The following DYTN variants were observed in gnomAD, a reference collection of about 807,000 sequenced individuals.
DYTN encodes the protein dystrotelin.
DYTN carries 75 observed loss-of-function variants against 69.6 expected under a neutral mutation model. The observed-to-expected ratio is 1.08, with a 90% confidence interval of 0.89 to 1.31. The LOEUF (loss-of-function observed/expected upper bound fraction) is 1.31. DYTN is among the 50% of genes most tolerant of loss of function. The pLI is 0.00. For missense variants in DYTN, 726 were observed against 688.4 expected (o/e 1.05, Z -0.61); for synonymous variants, 252 against 249.1 (o/e 1.01, Z -0.11).
At chr2:206,685,117 G>A (rs1360951244) in intron 9 of DYTN, among the ~76,000 whole-genome samples, 1 of 151,780 alleles carries the variant, frequency 6.6e-6, no homozygotes, top group Non-Finnish European at 1.5e-5. Flanking sequence ...ATGAAAGAAG[G>A]GCAATTAGTG....
chr2:206,663,472 T>C (rs1699536458), intron 10 of DYTN, 77 bp from the exon 11 acceptor site: 1 of 1,426,640 alleles, frequency 7.0e-7, no homozygotes. Flanking sequence ...ATTTCAACAT[T>C]CCAACAGAAC....
intron 11 of DYTN, among the ~76,000 whole-genome samples, chr2:206,657,306 G>A (rs1478694721): frequency 2.6e-5 from 4 of 152,016 alleles, no homozygotes; most frequent in Non-Finnish European, 5.9e-5. Context: ...TGGTAAAGAT[G>A]TGGTCTCACT....
At chr2:206,715,533 C>A (rs1700118436) in intron 1 of DYTN, among the ~76,000 whole-genome samples, 1 of 152,114 alleles carries the variant, frequency 6.6e-6, no homozygotes, top group Non-Finnish European at 1.5e-5. Context: ...TTTCTTTCAG[C>A]TTTGGGAGAA....
rs1489985884 is a variant in DYTN, at chr2:206,700,190, A to T, written c.510T>A (p.Arg170=). The change falls in exon 6 of 12, where the codon CGT becomes CGA. Residue 170 remains arginine (R), a synonymous_variant. Coordinates refer to ENST00000452335, the MANE Select transcript of DYTN (RefSeq NM_001093730.1). ...TGGCACTTTCCACAGGGCACAGAGC[A>T]CGACTCTCTCCCACGAAAGTTGGGA... ...QQIPTFVGES[R]ALCPVESATR... 4 of 1,613,946 alleles carry T rather than the reference A, an allele frequency of 2.5e-6. No individual in the cohort carries two copies. Among genetic ancestry groups the T allele is most frequent in the Admixed American group, 1.7e-5 (1 of 60,014 alleles).
intron 11 of DYTN, among the ~76,000 whole-genome samples, chr2:206,659,164 C>CTT (rs758156864): frequency 4.9e-3 from 264 of 54,252 alleles, no homozygotes; most frequent in African/African-American, 7.8e-3. Flanking sequence ...CTCACAGTCT[C>CTT]TTTTTTTTTT....
chr2:206,710,656 A>C, intron 1 of DYTN, 58 bp from the exon 2 acceptor site: 1 of 1,328,980 alleles, frequency 7.5e-7, no homozygotes, highest in Non-Finnish European at 1.0e-6. Flanking sequence ...TAAATCCCAC[A>C]TCATGGAAGG....
chr2:206,661,247 C>G (rs1281208183), intron 11 of DYTN, among the ~76,000 whole-genome samples: 3 of 152,158 alleles, frequency 2.0e-5, no homozygotes, highest in Non-Finnish European at 2.9e-5. Flanking sequence ...TTCGTTTAAG[C>G]CACTGAATCT....
chr2:206,663,368 A>G lies in DYTN; in HGVS notation c.1168T>C (p.Ser390Pro). 1.2e-6 allele frequency: 2 copies of G among 1,607,686 alleles called. No individual in the cohort carries two copies. The highest frequency in any genetic ancestry group is 1.7e-6 in the Non-Finnish European group (2 of 1,176,622). ...QARLQPPGPS[S>P]SSFQNVGNKV... is the part of the protein sequence containing the mutation. The stretch of plus-strand genomic sequence containing the variant: ...TTCCCCACATTTTGAAAGGAAGAAG[A>G]TGAAGGACCGGGTGGCTGCAACCTT... The change falls in exon 11 of 12, where the codon TCT becomes CCT. Residue 390 changes from serine to proline, a missense_variant. Physicochemically the swap from Ser to Pro is moderately conservative, Grantham distance 74. Transcript: ENST00000452335.
chr2:206,699,719 G>A lies in DYTN; in HGVS notation c.719+8C>T, dbSNP rs761918035. On this transcript the variant is annotated splice_region_variant and intron_variant, in intron 7 of 11. Coordinates refer to ENST00000452335, the MANE Select transcript of DYTN (RefSeq NM_001093730.1). The stretch of plus-strand genomic sequence containing the variant: ...TGATAATCCAAGAAATGCTGCTGAT[G>A]ACTGTACCTGAGTCCCGTGATTGGG... 1 of 1,609,724 alleles carries A rather than the reference G, an allele frequency of 6.2e-7. No homozygotes were observed. Among genetic ancestry groups the A allele is most frequent in the African/African-American group, 1.3e-5 (1 of 74,738 alleles).
In DYTN at chr2:206,694,775, G is replaced by A; in HGVS notation, c.822C>T (p.His274=). ...TGACATTAAATGTTACCTGAATGCA[G>A]TGCTCAATGACAGGATGAGACTTCT... is the stretch of plus-strand genomic sequence containing the variant. ...SHQKSHPVIE[H]CIQMSAMQNT... The change falls in exon 8 of 12, where the codon CAC becomes CAT. Residue 274 remains histidine (H), a synonymous_variant. Coordinates refer to ENST00000452335, the MANE Select transcript of DYTN (RefSeq NM_001093730.1). The A allele has an allele frequency of 3.7e-6, 6 of 1,605,696 alleles. No homozygotes were observed. The East Asian group carries it at 1.1e-4, about 30-fold the overall frequency.
At chr2:206,691,627 A>C (rs1699863891) in intron 9 of DYTN, among the ~76,000 whole-genome samples, 3 of 152,214 alleles carry the variant, frequency 2.0e-5, no homozygotes, top group African/African-American at 7.2e-5. Context: ...TGCAATATTA[A>C]AGATATACAT....
chr2:206,710,697 TTTTGCAGGTGAGGAAA>T, intron 1 of DYTN, 99 bp from the exon 2 acceptor site: 1 of 952,324 alleles, frequency 1.1e-6, no homozygotes, highest in Non-Finnish European at 1.5e-6. Flanking sequence ...GCTTACTTTA[TTTTGCAGGTGAGGAAA>T]TTAAGGTTTA....
intron 11 of DYTN, among the ~76,000 whole-genome samples, chr2:206,655,247 ATTT>A (rs56068317): frequency 5.7e-5 from 8 of 140,828 alleles, no homozygotes; most frequent in Admixed American, 1.4e-4. Flanking sequence ...TGATTGTGTG[ATTT>A]TTTTTTTTTT....
chr2:206,667,729 TG>T (rs1699589200), intron 9 of DYTN, among the ~76,000 whole-genome samples: 5 of 151,800 alleles, frequency 3.3e-5, no homozygotes, highest in African/African-American at 1.2e-4. Context: ...TGTGTGTGTG[TG>T]TTGACATGTC....
intron 11 of DYTN, among the ~76,000 whole-genome samples, chr2:206,655,313 A>T (rs1699435328): frequency 6.7e-6 from 1 of 150,130 alleles, no homozygotes; most frequent in South Asian, 2.1e-4. Context: ...TGATGTGATC[A>T]TAGTTCACTG....
At position 206,665,985 on chromosome 2, in the gene DYTN, G is replaced by A. The variant is rs1339086605; in HGVS notation, c.1025C>T (p.Ala342Val). Reference protein sequence around the residue: ...QLNQYKDKLQAIYTSQEERIC... With the variant: ...QLNQYKDKLQVIYTSQEERIC... ...TCTTTCTTCCTGGGAGGTGTATATA[G>A]CTTGCAACTTGTCTTTGTATTGGTT... Residue 342 changes from alanine to valine, a missense_variant, in exon 10 of 12, where the codon GCT (alanine) becomes GTT (valine). Ala to Val is a moderately conservative substitution (Grantham distance 64). Transcript: ENST00000452335. The A allele has an allele frequency of 1.2e-6, 2 of 1,613,770 alleles. No individual in the cohort carries two copies. Among genetic ancestry groups the A allele is most frequent in the South Asian group, 1.1e-5 (1 of 91,088 alleles).
At chr2:206,707,004 G>A (rs569270510) in intron 3 of DYTN, among the ~76,000 whole-genome samples, 47 of 152,160 alleles carry the variant, frequency 3.1e-4, no homozygotes, top group African/African-American at 1.1e-3. Context: ...ATATGGAAGT[G>A]TAAACGCCCT....
intron 11 of DYTN, among the ~76,000 whole-genome samples, chr2:206,656,619 T>C (rs1443704490): frequency 6.6e-6 from 1 of 152,180 alleles, no homozygotes; most frequent in African/African-American, 2.4e-5. Context: ...TTTGTGCATC[T>C]TTGACAGCTA....
At chr2:206,697,579 A>C (rs1285970675) in intron 7 of DYTN, among the ~76,000 whole-genome samples, 2 of 152,230 alleles carry the variant, frequency 1.3e-5, no homozygotes, top group African/African-American at 4.8e-5. Flanking sequence ...AATTTTTAAT[A>C]GAATCCTAAG....
Sources: allele counts gnomAD v4.1 joint callset (sites outside exome capture counted in the v4.1 genomes callset), GRCh38; gene constraint gnomAD v4.1.1; transcripts MANE v1.5; gene names NCBI Gene and HGNC (gene_info 2026-07-23, HGNC 2026-07-21).